Variants in NTN4 observed in about 807,000 individuals in gnomAD.
NTN4 encodes the protein netrin 4, also known as netrin-4.
In NTN4, 32 loss-of-function variants were observed where a neutral mutation model predicts 73.6. The observed-to-expected ratio is 0.44, with a 90% confidence interval of 0.33 to 0.58. NTN4 has a LOEUF of 0.58. Among genes scored for constraint, NTN4 ranks in the 20% least tolerant of loss-of-function variants. The pLI is 0.04. For missense variants in NTN4, 654 were observed against 798.3 expected (o/e 0.82, Z 2.18); for synonymous variants, 258 against 287.5 (o/e 0.90, Z 1.04).
At chr12:95,724,460 G>A (rs2078675970) in intron 3 of NTN4, among the ~76,000 whole-genome samples, 3 of 152,228 alleles carry the variant, frequency 2.0e-5, no homozygotes, top group Admixed American at 6.5e-5. Context: ...TGGTGTATGG[G>A]CTTAACTTGG....
intron 2 of NTN4, among the ~76,000 whole-genome samples, chr12:95,771,860 C>T (rs752781544): frequency 4.6e-5 from 7 of 151,950 alleles, no homozygotes; most frequent in Non-Finnish European, 8.8e-5. Context: ...TAGTACTTTG[C>T]CTTCTCCCTG....
rs187531951 is a variant in NTN4 at position 95,686,658 on chromosome 12, T to C, written c.1181-2947A>G. Among the ~76,000 whole-genome samples, 1,022 of 151,684 alleles carry C rather than the reference T, an allele frequency of 6.7e-3. 49 individuals carry two copies. The highest frequency in any genetic ancestry group is 0.063 in the Admixed American group (967 of 15,234). On this transcript the variant is annotated intron_variant, in intron 5 of 9. Transcript: ENST00000343702. ...CTGTAGTCCCAGCTACTCGGGAGAC[T>C]GAGGCAGGAGAATCGCTTGAACCTG... is the stretch of plus-strand genomic sequence containing the variant.
intron 3 of NTN4, among the ~76,000 whole-genome samples, chr12:95,728,549 A>G (rs1002727161): frequency 2.6e-5 from 4 of 152,216 alleles, no homozygotes; most frequent in African/African-American, 9.6e-5. Flanking sequence ...ACTAAAAGAC[A>G]AATAGGCTAC....
chr12:95,758,534 A>C (rs1282434642), intron 2 of NTN4, among the ~76,000 whole-genome samples: 1 of 152,066 alleles, frequency 6.6e-6, no homozygotes, highest in African/African-American at 2.4e-5. Context: ...CACTTTCCTT[A>C]ACAGTGTCTT....
At chr12:95,735,870 T>G (rs1043915542) in intron 3 of NTN4, among the ~76,000 whole-genome samples, 16 of 151,698 alleles carry the variant, frequency 1.1e-4, no homozygotes, top group African/African-American at 3.9e-4. Flanking sequence ...AAGAAAGTAA[T>G]ACTTTTAAAT....
At chr12:95,664,227 A>G (rs1477569575) in intron 9 of NTN4, among the ~76,000 whole-genome samples, 1 of 151,896 alleles carries the variant, frequency 6.6e-6, no homozygotes, top group African/African-American at 2.4e-5. Flanking sequence ...CTAATTATTT[A>G]AAAAATTTTT....
chr12:95,721,440 T>C (rs1197727915), intron 3 of NTN4, among the ~76,000 whole-genome samples: 3 of 152,228 alleles, frequency 2.0e-5, no homozygotes, highest in Non-Finnish European at 4.4e-5. Flanking sequence ...ATGTAAAACC[T>C]TTCTATCTGC....
In NTN4 at chr12:95,738,645, G is replaced by A. The variant is rs146913723; in HGVS notation, c.586-501C>T. On this transcript the variant is annotated intron_variant, in intron 2 of 9. Transcript: ENST00000343702. ...TAGCGGAAGCCACTGGGACACTGTA[G>A]GCAGAGAGGTGATATCTGATTTACC... Among the ~76,000 whole-genome samples the A allele has an allele frequency of 9.6e-3, 1,462 of 152,298 alleles. 18 individuals are homozygous for A. Among genetic ancestry groups the A allele is most frequent in the Non-Finnish European group, 9.0e-3 (610 of 68,028 alleles).
intron 2 of NTN4, among the ~76,000 whole-genome samples, chr12:95,763,676 C>T (rs962290004): frequency 1.3e-5 from 2 of 152,202 alleles, no homozygotes; most frequent in Non-Finnish European, 2.9e-5. Flanking sequence ...TTCCTCTCCA[C>T]GATGTCAAGC....
intron 3 of NTN4, among the ~76,000 whole-genome samples, chr12:95,725,005 GA>G (rs2078681262): frequency 2.6e-5 from 2 of 78,304 alleles, no homozygotes; most frequent in African/African-American, 6.2e-5. Flanking sequence ...ATGTCATCAG[GA>G]TTTTTTTTTT....
At chr12:95,751,451 A>T (rs1214184407) in intron 2 of NTN4, among the ~76,000 whole-genome samples, 1 of 152,218 alleles carries the variant, frequency 6.6e-6, no homozygotes, top group Non-Finnish European at 1.5e-5. Flanking sequence ...AGCTTGCTAC[A>T]TATGCTGGAA....
At chr12:95,738,440 G>T (rs796554706) in intron 2 of NTN4, among the ~76,000 whole-genome samples, 20 of 152,338 alleles carry the variant, frequency 1.3e-4, no homozygotes, top group African/African-American at 4.8e-4. Flanking sequence ...GGCGAGGGAA[G>T]AGCAAGCTTA....
intron 7 of NTN4, among the ~76,000 whole-genome samples, chr12:95,677,748 C>G (rs1182402976): frequency 6.6e-6 from 1 of 152,180 alleles, no homozygotes; most frequent in African/African-American, 2.4e-5. Flanking sequence ...GGAGTGTAAA[C>G]TAGTTCAACC....
chr12:95,726,694 G>T (rs1286802862), intron 3 of NTN4, among the ~76,000 whole-genome samples: 1 of 152,186 alleles, frequency 6.6e-6, no homozygotes, highest in Non-Finnish European at 1.5e-5. Flanking sequence ...TGGGCATGGT[G>T]GTTCACGCCT....
In NTN4 at chr12:95,789,788, G is replaced by A. The variant is rs2079194841; in HGVS notation, c.55+467C>T. 1 of 155,438 alleles carries A rather than the reference G, an allele frequency of 6.4e-6. No individual in the cohort carries two copies. The highest frequency in any genetic ancestry group is 6.5e-5 in the Admixed American group (1 of 15,340). 9.6% of individuals were successfully genotyped at this position (155,438 alleles called of 1,614,324 possible). A position where few individuals can be genotyped will look rare whatever the true frequency, so the allele number is the denominator to read the frequency against. On this transcript the variant is annotated intron_variant, in intron 1 of 9. Transcript: ENST00000343702. The surrounding 1 kb of genome is among the most constrained non-coding windows in gnomAD (Gnocchi z 4.0). ...AGCCCTGCCCCAGGTGTCCTTACCT[G>A]GTTCTCTAGTACCCAGCACCAGGTC... is the stretch of plus-strand genomic sequence containing the variant.
At chr12:95,705,461 T>G (rs2078515886) in intron 5 of NTN4, among the ~76,000 whole-genome samples, 2 of 152,094 alleles carry the variant, frequency 1.3e-5, no homozygotes, top group East Asian at 3.9e-4. Flanking sequence ...TCACACTGCT[T>G]TAACCACCTC....
chr12:95,707,785 T>C (rs2078531246), intron 5 of NTN4, among the ~76,000 whole-genome samples: 1 of 152,216 alleles, frequency 6.6e-6, no homozygotes, highest in Non-Finnish European at 1.5e-5. Flanking sequence ...AGGTATACTG[T>C]ACAGCATACT....
chr12:95,695,125 C>CAA lies in NTN4; in HGVS notation c.1181-11416_1181-11415dup, dbSNP rs199994570. On this transcript the variant is annotated intron_variant, in intron 5 of 9. Coordinates refer to ENST00000343702, the MANE Select transcript of NTN4 (RefSeq NM_021229.4). The stretch of plus-strand genomic sequence containing the variant: ...CCTGGGCAACAGAGCGAGACTGTCT[C>CAA]AAAAAAAAAAAAATGACGCTTGAAT... Among the ~76,000 whole-genome samples the CAA allele has an allele frequency of 9.6e-3, 1,312 of 136,550 alleles. 17 individuals carry two copies. Among genetic ancestry groups the CAA allele is most frequent in the African/African-American group, 0.033 (1,239 of 37,370 alleles). The allele number at this position is 136,550 out of a possible 152,430, so 89.6% of individuals were successfully genotyped here.
intron 2 of NTN4, among the ~76,000 whole-genome samples, chr12:95,755,257 A>G (rs921811364): frequency 2.0e-5 from 3 of 152,218 alleles, no homozygotes; most frequent in African/African-American, 7.2e-5. Flanking sequence ...AAACCCAAAG[A>G]GCATACATTC....
Sources: allele counts gnomAD v4.1 joint callset (sites outside exome capture counted in the v4.1 genomes callset), GRCh38; gene constraint gnomAD v4.1.1; non-coding constraint Gnocchi (gnomAD v3.1); transcripts MANE v1.5; gene names NCBI Gene and HGNC (gene_info 2026-07-23, HGNC 2026-07-21).